Variants in DNAJC13 observed in about 807,000 individuals in gnomAD.
DNAJC13 encodes DnaJ heat shock protein family (Hsp40) member C13, also known as dnaJ homolog subfamily C member 13.
Under a neutral mutation model 290.5 loss-of-function variants are expected in DNAJC13, and 75 were observed. The ratio of observed to expected loss-of-function variants is 0.26; its 90% CI spans 0.21 to 0.31. The LOEUF is 0.31. DNAJC13 is among the 10% of genes least tolerant of loss of function. DNAJC13 has a pLI of 1.00. For synonymous variants in DNAJC13, 862 were observed against 892.0 expected, an observed-to-expected ratio of 0.97 and a Z score of 0.60; for missense variants, 2,260 against 2,674.5, an observed-to-expected ratio of 0.85 and a Z score of 3.42.
intron 20 of DNAJC13, among the ~76,000 whole-genome samples, chr3:132,467,613 C>A (rs1294276158): frequency 6.6e-6 from 1 of 151,868 alleles, no homozygotes; most frequent in Non-Finnish European, 1.5e-5. Flanking sequence ...CTACAGGCAC[C>A]CGCCACCACG....
chr3:132,506,344 G>A (rs1032248662), intron 42 of DNAJC13, among the ~76,000 whole-genome samples: 22 of 151,488 alleles, frequency 1.5e-4, no homozygotes, highest in Non-Finnish European at 2.7e-4. Flanking sequence ...GAGTCACCGC[G>A]CCCGGCCTTC....
intron 6 of DNAJC13, among the ~76,000 whole-genome samples, chr3:132,452,138 G>A (rs2107665415): frequency 6.6e-6 from 1 of 152,322 alleles, no homozygotes; most frequent in South Asian, 2.1e-4. Context: ...TAGGATAACT[G>A]TATCACAGTA....
At chr3:132,519,689 AT>A (rs1248994681) in intron 48 of DNAJC13, among the ~76,000 whole-genome samples, 1 of 151,936 alleles carries the variant, frequency 6.6e-6, no homozygotes, top group African/African-American at 2.4e-5. Flanking sequence ...ACAAAGATTT[AT>A]GGCTATGTTT....
At chr3:132,428,995 A>C (rs1939175482) in intron 1 of DNAJC13, among the ~76,000 whole-genome samples, 1 of 152,232 alleles carries the variant, frequency 6.6e-6, no homozygotes, top group South Asian at 2.1e-4. Context: ...GGCCTCCCAA[A>C]GTGCCAGGAT....
chr3:132,428,086 C>T (rs746622072), intron 1 of DNAJC13, among the ~76,000 whole-genome samples: 8 of 152,204 alleles, frequency 5.3e-5, no homozygotes, highest in Non-Finnish European at 8.8e-5. Flanking sequence ...CCAGGGTCTT[C>T]CCAGATTGAA....
rs1935159610 is a variant in DNAJC13 at position 132,494,260 on chromosome 3, G to A, written c.3941+1G>A. ...TTAATCTGCCTCAAGGACAGGGACC[G>A]TGAGTTGTTTTCAGTACAATAGCAA... On this transcript the variant is annotated splice_donor_variant, in intron 34 of 55. Coordinates refer to ENST00000260818, the MANE Select transcript of DNAJC13 (RefSeq NM_015268.4). LOFTEE classifies it high-confidence loss of function. The A allele has an allele frequency of 1.9e-6, 3 of 1,607,064 alleles. No individual in the cohort carries two copies. Among genetic ancestry groups the A allele is most frequent in the Non-Finnish European group, 2.6e-6 (3 of 1,174,372 alleles).
chr3:132,483,366 A>C lies in DNAJC13; in HGVS notation c.2980-9A>C. ...TTGTCTGTTTGTAATAATGCCTTCC[A>C]TCCATTAGATGCAAGAATTGTGGAC... is the stretch of plus-strand genomic sequence containing the variant. On this transcript the variant is annotated splice_polypyrimidine_tract_variant and intron_variant, in intron 27 of 55. Coordinates refer to ENST00000260818, the MANE Select transcript of DNAJC13 (RefSeq NM_015268.4). 6.2e-7 allele frequency: 1 copy of C among 1,613,548 alleles called. No individual in the cohort carries two copies. The highest frequency in any genetic ancestry group is 8.5e-7 in the Non-Finnish European group (1 of 1,179,498).
intron 9 of DNAJC13, among the ~76,000 whole-genome samples, chr3:132,454,755 G>GT (rs909971649): frequency 2.0e-5 from 3 of 151,416 alleles, no homozygotes; most frequent in Non-Finnish European, 4.4e-5. Flanking sequence ...CAATGGTTAT[G>GT]TTTTTTTCCT....
At position 132,538,201 on chromosome 3, in the gene DNAJC13, C is replaced by T. The variant is rs927717273; in HGVS notation, c.6651C>T (p.Thr2217=). 1.2e-5 allele frequency: 20 copies of T among 1,613,652 alleles called. No individual in the cohort carries two copies. The highest frequency in any genetic ancestry group is 1.1e-4 in the East Asian group (5 of 44,880). ...GACCTGGAGTTGCTGGCTACCTTAC[C>T]GCAGGTACATCTACATCAGTCATGT... ...LTGPGVAGYL[T]AGTSTSVMSN... The change falls in exon 56 of 56, where the codon ACC becomes ACT. Residue 2217 remains threonine, a synonymous_variant. Coordinates refer to ENST00000260818, the MANE Select transcript of DNAJC13 (RefSeq NM_015268.4).
In DNAJC13 at chr3:132,514,635, C is replaced by T. The variant is rs267599613; in HGVS notation, c.5450C>T (p.Ser1817Phe). The T allele has an allele frequency of 3.1e-6, 5 of 1,611,420 alleles. No homozygotes were observed. The Middle Eastern group carries it at 6.6e-4, about 213-fold the overall frequency. ...AATATTGCTGAATCAATGGTTTTGT[C>T]CAGTTTATTGGCTCTTCTACATTCA... ...VNNIAESMVLSSLLALLHSLP... is the reference protein window; with the variant it reads ...VNNIAESMVLFSLLALLHSLP... Residue 1817 changes from serine to phenylalanine, a missense_variant, in exon 46 of 56, where the codon TCC (serine) becomes TTC (phenylalanine). Ser to Phe is a radical substitution (Grantham distance 155, BLOSUM62 -2). Around this residue, in one of 3 missense-constraint regions of DNAJC13, gnomAD observed 1,494 missense variants for 1,693.7 expected, o/e 0.88. Transcript: ENST00000260818.
rs146930051 is a variant in DNAJC13, at chr3:132,467,269, G to T, written c.2164G>T (p.Val722Leu). 117 of 1,613,896 alleles carry T rather than the reference G, an allele frequency of 7.2e-5. No individual in the cohort carries two copies. The highest frequency in any genetic ancestry group is 9.6e-5 in the Non-Finnish European group (113 of 1,179,970). ...EKFAKEKVDL[V>L]LMHWRDRMGI... ...ATTTGCCAAAGAAAAAGTGGATCTT[G>T]TATTGATGCACTGGAGGGATAGGAT... Residue 722 changes from valine to leucine, a missense_variant, in exon 20 of 56, where the codon GTA becomes TTA. Val to Leu is a conservative substitution (Grantham distance 32, BLOSUM62 1). Around this residue, in one of 3 missense-constraint regions of DNAJC13, gnomAD observed 762 missense variants for 964.1 expected, o/e 0.79. Transcript: ENST00000260818.
At position 132,478,055 on chromosome 3, in the gene DNAJC13, A is replaced by C; in HGVS notation, c.2624A>C (p.Gln875Pro). Reference sequence around the variant, plus strand: ...GTAAACATGAAGTGTTTATGTTTACAAGCCCTTGCTATTGTTTATGGCAGA... The same window carrying C: ...GTAAACATGAAGTGTTTATGTTTACCAGCCCTTGCTATTGTTTATGGCAGA... ...PKVNMKCLCL[Q>P]ALAIVYGRCH... Residue 875 changes from glutamine to proline, a missense_variant, in exon 24 of 56, where the codon CAA (glutamine) becomes CCA (proline). This residue lies in a region of DNAJC13 where 1,494 missense variants were observed against 1,693.7 expected (regional missense o/e 0.88). Coordinates refer to ENST00000260818, the MANE Select transcript of DNAJC13 (RefSeq NM_015268.4). 1 of 1,613,794 alleles carries C rather than the reference A, an allele frequency of 6.2e-7. No homozygotes were observed. The highest frequency in any genetic ancestry group is 8.5e-7 in the Non-Finnish European group (1 of 1,179,886).
intron 2 of DNAJC13, among the ~76,000 whole-genome samples, chr3:132,445,524 A>G (rs1349043291): frequency 6.6e-6 from 1 of 151,962 alleles, no homozygotes; most frequent in East Asian, 1.9e-4. Context: ...GGAGCATGGG[A>G]GTTACTTGGT....
rs181708051 is a variant in DNAJC13, at chr3:132,502,917, A to C, written c.4717-297A>C. Among the ~76,000 whole-genome samples the C allele has an allele frequency of 9.3e-4, 142 of 152,282 alleles. 1 individual carries two copies. Among genetic ancestry groups the C allele is most frequent in the African/African-American group, 3.1e-3 (128 of 41,542 alleles). ...GTGCTTCTAGCAGGCAGGGCTGCCT[A>C]CCTATCCCCTACTCCCCACATTACC... On this transcript the variant is annotated intron_variant, in intron 40 of 55. Transcript: ENST00000260818.
At chr3:132,445,013 T>C (rs924062241) in intron 2 of DNAJC13, among the ~76,000 whole-genome samples, 5 of 152,174 alleles carry the variant, frequency 3.3e-5, no homozygotes, top group Non-Finnish European at 2.9e-5. Context: ...TAAATGGAAA[T>C]ACTTTCTCAT....
chr3:132,460,425 C>A, intron 14 of DNAJC13, 68 bp downstream of exon 14: 4 of 1,114,554 alleles, frequency 3.6e-6, no homozygotes, highest in Non-Finnish European at 5.2e-6. Context: ...TCTAGAAGTG[C>A]CACGTGGATG....
At position 132,492,729 on chromosome 3, in the gene DNAJC13, T is replaced by C. The variant is rs996922465; in HGVS notation, c.3825+114T>C. ...GTTAATAGCTTTCTTAAGTATTCCT[T>C]CTTAAGCACTAAGCACTGTGTGACT... On this transcript the variant is annotated intron_variant, in intron 33 of 55. Transcript: ENST00000260818. 4 of 851,000 alleles carry C rather than the reference T, an allele frequency of 4.7e-6. No individual in the cohort carries two copies. The African/African-American group carries it at 6.8e-5, about 14-fold the overall frequency. 52.7% of individuals were successfully genotyped at this position (851,000 alleles called of 1,614,324 possible).
intron 21 of DNAJC13, 103 bp from the exon 22 acceptor site, chr3:132,474,829 T>TGG: frequency 7.0e-6 from 1 of 143,764 alleles, no homozygotes; most frequent in African/African-American, 2.8e-5. Flanking sequence ...CCCCCCCCTT[T>TGG]TTTTTTTTTT....
intron 19 of DNAJC13, 32 bp from the exon 20 acceptor site, chr3:132,467,138 G>A (rs925247094): frequency 1.3e-6 from 2 of 1,597,102 alleles, no homozygotes; most frequent in African/African-American, 1.4e-5. Flanking sequence ...TTTGCAAACA[G>A]GCATGTAATG....
Sources: gnomAD v4.1 joint callset for allele counts (sites outside exome capture counted in the v4.1 genomes callset) on GRCh38, gnomAD v4.1.1 for gene constraint, gnomAD v4.1.1 regional missense constraint, MANE v1.5 for transcripts, NCBI Gene and HGNC (gene_info 2026-07-23, HGNC 2026-07-21) for gene names.